Variants in PKHD1 observed in about 807,000 individuals in gnomAD.
PKHD1 encodes the protein PKHD1 ciliary IPT domain containing fibrocystin/polyductin.
Under a neutral mutation model 412.0 loss-of-function variants are expected in PKHD1, and 291 were observed. That is an observed-to-expected ratio of 0.71 (90% CI 0.64 to 0.78). The LOEUF (loss-of-function observed/expected upper bound fraction) is 0.78, where lower values mean the gene tolerates loss of function less well. Among genes scored for constraint, PKHD1 ranks in the 30% least tolerant of loss-of-function variants. PKHD1 has a pLI of 0.00. For synonymous variants in PKHD1, 1,777 were observed against 1,821.5 expected (o/e 0.98, Z 0.62); for missense variants, 4,825 against 4,950.7 (o/e 0.97, Z 0.76).
intron 53 of PKHD1, 103 bp from the exon 54 acceptor site, chr6:51,776,024 A>G (rs1790967456): frequency 2.9e-6 from 2 of 682,982 alleles, no homozygotes; most frequent in East Asian, 2.7e-5. Flanking sequence ...GATACTGTGA[A>G]GTAGACTATA....
rs568370379 is a variant in PKHD1, at chr6:51,626,128, C to A, written c.11785+869G>T. On this transcript the variant is annotated intron_variant, in intron 66 of 66. Transcript: ENST00000371117. Reference sequence around the variant, plus strand: ...TGTGTGCATGCACACACACACACACCCACATAAACACACACATGAAAGATC... The same window carrying A: ...TGTGTGCATGCACACACACACACACACACATAAACACACACATGAAAGATC... Among the ~76,000 whole-genome samples the A allele has an allele frequency of 2.4e-4, 37 of 151,938 alleles. No homozygotes were observed. In the South Asian group the frequency reaches 6.0e-3, roughly 25 times the overall value.
chr6:51,645,898 A>C (rs1770025056), intron 63 of PKHD1, among the ~76,000 whole-genome samples: 1 of 152,114 alleles, frequency 6.6e-6, no homozygotes, highest in African/African-American at 2.4e-5. Context: ...ATTTTTGAAA[A>C]CTGTCTGACA....
rs1772352719 is a variant in PKHD1 at position 51,658,984 on chromosome 6, T to C, written c.11142A>G (p.Leu3714=). Residue 3714 remains leucine (L), a synonymous_variant, in exon 61 of 67, where the codon CTA becomes CTG. Transcript: ENST00000371117. Reference sequence around the variant, plus strand: ...CAATGACTCCCTTTGACTGAGTAACTAGTAAGGCCCCGATAGTCATATTCA... The same window carrying C: ...CAATGACTCCCTTTGACTGAGTAACCAGTAAGGCCCCGATAGTCATATTCA... The part of the protein sequence containing the change: ...NVLNMTIGAL[L]VTQSKGVIGY... 7 of 1,612,864 alleles carry C rather than the reference T, an allele frequency of 4.3e-6. No individual in the cohort carries two copies. The highest frequency in any genetic ancestry group is 5.9e-6 in the Non-Finnish European group (7 of 1,178,962).
At chr6:51,670,512 C>T (rs1249809838) in intron 60 of PKHD1, among the ~76,000 whole-genome samples, 1 of 151,526 alleles carries the variant, frequency 6.6e-6, no homozygotes, top group Non-Finnish European at 1.5e-5. Context: ...GTTTGCCAGT[C>T]TGTGTCTTTT....
Position 51,775,803 on chromosome 6 carries a change from C to T in PKHD1, c.8554+5G>A. On this transcript the variant is annotated splice_donor_5th_base_variant and intron_variant, in intron 54 of 66. Coordinates refer to ENST00000371117, the MANE Select transcript of PKHD1 (RefSeq NM_138694.4). ...TTTTTAATAAAAACTATATTATACTCTTACCAATTGTTCCTGGGTCAATAT... is the reference window on the plus strand; with the variant it reads ...TTTTTAATAAAAACTATATTATACTTTTACCAATTGTTCCTGGGTCAATAT... 1 of 1,301,252 alleles carries T rather than the reference C, an allele frequency of 7.7e-7. No homozygotes were observed. Among genetic ancestry groups the T allele is most frequent in the Non-Finnish European group, 1.1e-6 (1 of 897,194 alleles). 80.6% of individuals were successfully genotyped at this position (1,301,252 alleles called of 1,614,324 possible). A position where few individuals can be genotyped will look rare whatever the true frequency, so the allele number is the denominator to read the frequency against.
chr6:51,689,352 T>G (rs1022032046), intron 60 of PKHD1, among the ~76,000 whole-genome samples: 1 of 152,044 alleles, frequency 6.6e-6, no homozygotes, highest in East Asian at 1.9e-4. Flanking sequence ...TACCTCAAAA[T>G]AATGAGTCAT....
intron 60 of PKHD1, among the ~76,000 whole-genome samples, chr6:51,671,463 A>C (rs1324882262): frequency 6.6e-6 from 1 of 152,022 alleles, no homozygotes; most frequent in East Asian, 1.9e-4. Context: ...ACTTTTTTCA[A>C]AGTTTTCAAC....
chr6:51,768,924 G>A (rs1789587686), intron 55 of PKHD1, among the ~76,000 whole-genome samples: 1 of 151,550 alleles, frequency 6.6e-6, no homozygotes, highest in African/African-American at 2.4e-5. Flanking sequence ...AAGAATGTTT[G>A]CTGAATTTTA....
chr6:51,941,236 C>CTTT lies in PKHD1; in HGVS notation c.5909-6917_5909-6915dup, dbSNP rs539546758. 1.9e-3 allele frequency among the ~76,000 whole-genome samples: 120 copies of CTTT among 63,086 alleles called. 14 individuals are homozygous for CTTT. Among genetic ancestry groups the CTTT allele is most frequent in the African/African-American group, 3.3e-3 (51 of 15,444 alleles). 41.4% of individuals were successfully genotyped at this position (63,086 alleles called of 152,430 possible). A position where few individuals can be genotyped will look rare whatever the true frequency, so the allele number is the denominator to read the frequency against. On this transcript the variant is annotated intron_variant, in intron 36 of 66. Transcript: ENST00000371117. ...TATCACTCACCTGTTACAGCATGGCCTTTTTTTTTTTTTTTTTTTTTTTTT... is the reference window on the plus strand; with the variant it reads ...TATCACTCACCTGTTACAGCATGGCCTTTTTTTTTTTTTTTTTTTTTTTTTTTT...
At chr6:51,967,202 C>G (rs561358427) in intron 35 of PKHD1, among the ~76,000 whole-genome samples, 1 of 152,110 alleles carries the variant, frequency 6.6e-6, no homozygotes, top group South Asian at 2.1e-4. Flanking sequence ...AACTACAGTC[C>G]ACAACCCACT....
At chr6:52,050,055 A>G in intron 22 of PKHD1, 102 bp downstream of exon 22, 1 of 1,105,574 alleles carries the variant, frequency 9.0e-7, no homozygotes. Flanking sequence ...TGCTTTAAGC[A>G]ACAAGACAGG....
chr6:51,778,487 C>A (rs1469803858), intron 53 of PKHD1, among the ~76,000 whole-genome samples: 1 of 151,938 alleles, frequency 6.6e-6, no homozygotes, highest in African/African-American at 2.4e-5. Flanking sequence ...GGGCCTTAGA[C>A]TTAATAAGTA....
At chr6:51,625,668 G>A (rs966043557) in intron 66 of PKHD1, among the ~76,000 whole-genome samples, 7 of 152,030 alleles carry the variant, frequency 4.6e-5, no homozygotes, top group East Asian at 3.9e-4. Flanking sequence ...CACTGTGGAC[G>A]GCATAATGTA....
intron 29 of PKHD1, among the ~76,000 whole-genome samples, chr6:52,030,782 T>G (rs1216944689): frequency 6.6e-6 from 1 of 152,158 alleles, no homozygotes; most frequent in African/African-American, 2.4e-5. Context: ...ATCAGCGGCT[T>G]AGGGTATTTT....
intron 29 of PKHD1, among the ~76,000 whole-genome samples, chr6:52,029,652 G>A (rs554730214): frequency 1.3e-4 from 20 of 152,270 alleles, no homozygotes; most frequent in African/African-American, 3.9e-4. Flanking sequence ...GAAATTTCAC[G>A]GTTTTATCCA....
At chr6:51,902,606 A>G (rs1371909089) in intron 43 of PKHD1, among the ~76,000 whole-genome samples, 5 of 152,222 alleles carry the variant, frequency 3.3e-5, no homozygotes, top group Admixed American at 2.0e-4. Context: ...TCATCCTCTG[A>G]GTTCCTTAGA....
intron 52 of PKHD1, among the ~76,000 whole-genome samples, chr6:51,816,822 G>T (rs1765536105): frequency 1.3e-5 from 2 of 152,308 alleles, no homozygotes; most frequent in South Asian, 4.1e-4. Flanking sequence ...AGCCTACTGT[G>T]GCTCAGGAGG....
chr6:51,816,933 G>A (rs930225414), intron 52 of PKHD1, among the ~76,000 whole-genome samples: 2 of 152,186 alleles, frequency 1.3e-5, no homozygotes, highest in Non-Finnish European at 2.9e-5. Flanking sequence ...ACTCCCTGGG[G>A]TCAATGTGAG....
At chr6:51,620,065 G>A (rs1422186569) in intron 66 of PKHD1, among the ~76,000 whole-genome samples, 1 of 152,114 alleles carries the variant, frequency 6.6e-6, no homozygotes, top group African/African-American at 2.4e-5. Flanking sequence ...AAGAGAGATG[G>A]CACATTACAC....
Sources: gnomAD v4.1 joint callset for allele counts (sites outside exome capture counted in the v4.1 genomes callset) on GRCh38, gnomAD v4.1.1 for gene constraint, MANE v1.5 for transcripts, NCBI Gene and HGNC (gene_info 2026-07-23, HGNC 2026-07-21) for gene names.